Variants in SP6 observed in about 807,000 individuals in gnomAD.
SP6 encodes transcription factor Sp6.
A neutral mutation model predicts 23.4 loss-of-function variants in SP6; 10 were observed. The ratio of observed to expected loss-of-function variants is 0.43; its 90% confidence interval spans 0.26 to 0.72. The LOEUF (loss-of-function observed/expected upper bound fraction) is 0.72. SP6 is among the 30% of genes least tolerant of loss of function. The pLI is 0.23. For synonymous variants in SP6, 238 were observed against 238.7 expected (o/e 1.00, Z 0.03); for missense variants, 482 against 523.8 (o/e 0.92, Z 0.78).
At chr17:47,861,676 T>A in the SP6 span, among the ~76,000 whole-genome samples, 1 of 151,732 alleles carries the variant, frequency 6.6e-6, no homozygotes, top group Non-Finnish European at 1.5e-5. Context: ...GAGGTTGCAG[T>A]GAGCCAAGAT....
Position 47,845,485 on chromosome 17 carries a change from T to A in SP6, c.*1814A>T, listed in dbSNP as rs1387708210. 6.6e-6 allele frequency: 1 copy of A among 152,362 alleles called. No individual in the cohort carries two copies. Among genetic ancestry groups the A allele is most frequent in the East Asian group, 1.9e-4 (1 of 5,194 alleles). 9.4% of individuals were successfully genotyped at this position (152,362 alleles called of 1,614,324 possible). On this transcript the variant is annotated 3_prime_UTR_variant, in exon 2 of 2. Transcript: ENST00000536300. ...CTCGGGAAGGTCATCCTGTCCCTTT[T>A]AAGGAGGGCCCCTTTGTATACAAAC...
upstream of SP6, among the ~76,000 whole-genome samples, chr17:47,851,418 C>T: frequency 6.6e-6 from 1 of 152,186 alleles, no homozygotes; most frequent in East Asian, 1.9e-4. Flanking sequence ...AGACCCGCCC[C>T]GCCGGGTGGA....
the SP6 span, among the ~76,000 whole-genome samples, chr17:47,871,775 T>C: frequency 6.6e-6 from 1 of 152,126 alleles, no homozygotes; most frequent in Non-Finnish European, 1.5e-5. Flanking sequence ...CCTGCCACCA[T>C]GCCTGACTAA....
Position 47,847,258 on chromosome 17 carries a change from G to A in SP6, c.*41C>T. 1 of 1,464,152 alleles carries A rather than the reference G, an allele frequency of 6.8e-7. No individual in the cohort carries two copies. The highest frequency in any genetic ancestry group is 9.0e-7 in the Non-Finnish European group (1 of 1,107,068). The allele number at this position is 1,464,152 out of a possible 1,614,324, so 90.7% of individuals were successfully genotyped here. A position where few individuals can be genotyped will look rare whatever the true frequency, so the allele number is the denominator to read the frequency against. The stretch of plus-strand genomic sequence containing the variant: ...CGTCAGACCTGGGGGCTCGCATCCA[G>A]TGCCCCCCGGGATACCCGCAGGGAG... On this transcript the variant is annotated 3_prime_UTR_variant, in exon 2 of 2. Transcript: ENST00000536300.
chr17:47,859,068 C>T (rs558380009), upstream of SP6, among the ~76,000 whole-genome samples: 1 of 152,206 alleles, frequency 6.6e-6, no homozygotes, highest in South Asian at 2.1e-4. Context: ...AGATATGATG[C>T]CTGGCCTAAT....
At chr17:47,853,548 G>T (rs56729912), upstream of SP6, among the ~76,000 whole-genome samples, 1,347 of 152,220 alleles carry the variant, frequency 8.8e-3, 20 homozygotes, top group African/African-American at 0.031. Context: ...CTCTGGGTAG[G>T]GGACCAAGTT....
the SP6 span, among the ~76,000 whole-genome samples, chr17:47,875,094 T>G: frequency 1.3e-5 from 2 of 151,076 alleles, no homozygotes; most frequent in African/African-American, 4.9e-5. Context: ...CTTCTTCTCT[T>G]CTCAGAAACT....
chr17:47,875,458 C>G, the SP6 span, among the ~76,000 whole-genome samples: 1 of 152,198 alleles, frequency 6.6e-6, no homozygotes, highest in African/African-American at 2.4e-5. Flanking sequence ...CAGCAACTCC[C>G]GGTGCCTCCC....
the SP6 span, among the ~76,000 whole-genome samples, chr17:47,876,298 G>A: frequency 6.6e-6 from 1 of 152,226 alleles, no homozygotes; most frequent in African/African-American, 2.4e-5. Context: ...CAGTGGGGAT[G>A]GGGTGAACAA....
upstream of SP6, among the ~76,000 whole-genome samples, chr17:47,856,930 C>T (rs2034002277): frequency 6.6e-6 from 1 of 152,006 alleles, no homozygotes; most frequent in Admixed American, 6.6e-5. Flanking sequence ...CCTCAGCAAC[C>T]TCTAGACTGG....
the SP6 span, among the ~76,000 whole-genome samples, chr17:47,868,027 C>T: frequency 2.5e-4 from 38 of 152,154 alleles, no homozygotes; most frequent in Admixed American, 3.9e-4. Context: ...CATGCACACA[C>T]GCCCTCACTC....
chr17:47,874,041 CTCT>C, the SP6 span, among the ~76,000 whole-genome samples: 688 of 146,606 alleles, frequency 4.7e-3, 2 homozygotes, highest in Non-Finnish European at 8.1e-3. Flanking sequence ...CTTCCTCTTC[CTCT>C]TCTTCTTCTT....
chr17:47,872,185 C>A, the SP6 span, among the ~76,000 whole-genome samples: 1 of 152,370 alleles, frequency 6.6e-6, no homozygotes, highest in Non-Finnish European at 1.5e-5. Context: ...CCAACAGGTG[C>A]AACCCCTGTC....
At chr17:47,868,980 G>A in the SP6 span, among the ~76,000 whole-genome samples, 107 of 152,366 alleles carry the variant, frequency 7.0e-4, 5 homozygotes, top group South Asian at 0.021. Context: ...AACCACACAC[G>A]GCACCAGAGC....
At position 47,848,300 on chromosome 17, in the gene SP6, G is replaced by A. The variant is rs752579459; in HGVS notation, c.130C>T (p.Pro44Ser). ...GHTSPEAGDY[P>S]SPLQPGELQS... The stretch of plus-strand genomic sequence containing the variant: ...AGCTCTCCAGGCTGCAGCGGGGAGG[G>A]GTAGTCCCCGGCCTCAGGGCTCGTG... The change falls in exon 2 of 2, where the codon CCC (proline) becomes TCC (serine). Residue 44 changes from proline to serine, a missense_variant. By Grantham distance (74) the Pro-to-Ser change is moderately conservative. Around this residue, in one of 3 missense-constraint regions of SP6, gnomAD observed 330 missense variants for 332.3 expected, o/e 0.99. Transcript: ENST00000536300. The surrounding 1 kb of genome is among the most constrained non-coding windows in gnomAD (Gnocchi z 5.3). 1 of 1,612,026 alleles carries A rather than the reference G, an allele frequency of 6.2e-7. No homozygotes were observed. The highest frequency in any genetic ancestry group is 8.5e-7 in the Non-Finnish European group (1 of 1,179,366).
chr17:47,854,097 G>A (rs542720247), upstream of SP6, among the ~76,000 whole-genome samples: 2 of 152,258 alleles, frequency 1.3e-5, no homozygotes, highest in African/African-American at 4.8e-5. Context: ...GGCCATTTCT[G>A]CTGCTCTTCC....
chr17:47,848,987 G>A lies in SP6; in HGVS notation c.-57-501C>T, dbSNP rs1313259607. Among the ~76,000 whole-genome samples the A allele has an allele frequency of 2.0e-5, 3 of 152,062 alleles. No individual in the cohort carries two copies. Among genetic ancestry groups the A allele is most frequent in the Non-Finnish European group, 2.9e-5 (2 of 68,008 alleles). On this transcript the variant is annotated intron_variant, in intron 1 of 1. Transcript: ENST00000536300. This position sits in a 1 kb window ranked among gnomAD's most constrained non-coding sequence, Gnocchi z 5.3. ...ACCTGCCCCTCATAAAGCCTCAAAC[G>A]GGTCCTGAGTCTTTGAAAGAGTTCT...
the SP6 span, among the ~76,000 whole-genome samples, chr17:47,861,560 C>T: frequency 6.6e-6 from 1 of 152,142 alleles, no homozygotes; most frequent in South Asian, 2.1e-4. Context: ...TGGTGAAAAC[C>T]CATCTCTACC....
At chr17:47,873,591 A>G in the SP6 span, among the ~76,000 whole-genome samples, 2 of 152,030 alleles carry the variant, frequency 1.3e-5, no homozygotes, top group Non-Finnish European at 2.9e-5. Context: ...CCAAGCCTCA[A>G]TTTCTCTGAA....
Sources: allele counts gnomAD v4.1 joint callset (sites outside exome capture counted in the v4.1 genomes callset), GRCh38; gene constraint gnomAD v4.1.1; regional missense constraint gnomAD v4.1.1; non-coding constraint Gnocchi (gnomAD v3.1); transcripts MANE v1.5; gene names NCBI Gene and HGNC (gene_info 2026-07-23, HGNC 2026-07-21).